CTTNBP2NL: variants seen among roughly 807,000 people sequenced by gnomAD.
CTTNBP2NL encodes the protein CTTNBP2 N-terminal-like protein.
CTTNBP2NL carries 16 observed loss-of-function variants against 32.5 expected under a neutral mutation model. The ratio of observed to expected loss-of-function variants is 0.49; its 90% CI spans 0.33 to 0.75. The LOEUF (loss-of-function observed/expected upper bound fraction) is 0.75. Ranked by LOEUF, CTTNBP2NL falls within the 30% of genes least tolerant of loss-of-function variation. CTTNBP2NL has a pLI of 0.02. For synonymous variants in CTTNBP2NL, 298 were observed against 289.4 expected (o/e 1.03, Z -0.30); for missense variants, 645 against 756.0 (o/e 0.85, Z 1.72).
intron 1 of CTTNBP2NL, among the ~76,000 whole-genome samples, chr1:112,408,062 G>T (rs1396802252): frequency 6.6e-6 from 1 of 151,612 alleles, no homozygotes; most frequent in Non-Finnish European, 1.5e-5. Flanking sequence ...GTCCAGGCTG[G>T]TCTCAAACTT....
chr1:112,445,137 T>C (rs1175636), intron 3 of CTTNBP2NL, among the ~76,000 whole-genome samples: 141,626 of 152,260 alleles, frequency 0.93, 66,640 homozygotes, highest in East Asian at 1. Flanking sequence ...AGTGGGTCCA[T>C]CAGTCCCAGT....
At chr1:112,443,832 T>C (rs934974193) in intron 3 of CTTNBP2NL, among the ~76,000 whole-genome samples, 2 of 152,236 alleles carry the variant, frequency 1.3e-5, no homozygotes, top group Non-Finnish European at 2.9e-5. Flanking sequence ...GGTTTTCTTA[T>C]TGTTGTCATC....
At chr1:112,438,656 T>TC (rs1368292803) in intron 3 of CTTNBP2NL, among the ~76,000 whole-genome samples, 2 of 152,196 alleles carry the variant, frequency 1.3e-5, no homozygotes, top group Non-Finnish European at 2.9e-5. Flanking sequence ...GGGGAATGCT[T>TC]CCAGCTTTTG....
chr1:112,397,943 G>A (rs1472363742), intron 1 of CTTNBP2NL, among the ~76,000 whole-genome samples: 1 of 152,088 alleles, frequency 6.6e-6, no homozygotes, highest in African/African-American at 2.4e-5. Context: ...AGAGCCACTC[G>A]GTGCTCACAG....
intron 3 of CTTNBP2NL, among the ~76,000 whole-genome samples, chr1:112,428,564 C>G (rs769937277): frequency 1.8e-4 from 27 of 152,108 alleles, no homozygotes; most frequent in Non-Finnish European, 3.1e-4. Flanking sequence ...AAAAAGAAGA[C>G]TTGAATAAAG....
In CTTNBP2NL at chr1:112,454,496, G is replaced by A. The variant is rs780328201; in HGVS notation, c.378G>A (p.Thr126=). Residue 126 remains threonine (T), a synonymous_variant, in exon 5 of 6, where the codon ACG becomes ACA. Transcript: ENST00000271277. The stretch of plus-strand genomic sequence containing the variant: ...AAAGGCAGCGGCATGCACAGGATAC[G>A]GCTGAAGGAGATGATGTCACCTACA... ...EEERQRHAQD[T]AEGDDVTYML... is the part of the protein sequence containing the mutation. 79 of 1,613,964 alleles carry A rather than the reference G, an allele frequency of 4.9e-5. No homozygotes were observed. Among genetic ancestry groups the A allele is most frequent in the Non-Finnish European group, 6.4e-5 (75 of 1,179,966 alleles).
chr1:112,457,709 T>A lies in CTTNBP2NL; in HGVS notation c.*297T>A. 3.6e-6 allele frequency: 1 copy of A among 278,172 alleles called. No homozygotes were observed. The highest frequency in any genetic ancestry group is 6.8e-6 in the Non-Finnish European group (1 of 147,900). 17.2% of individuals were successfully genotyped at this position (278,172 alleles called of 1,614,324 possible). A position where few individuals can be genotyped will look rare whatever the true frequency, so the allele number is the denominator to read the frequency against. On this transcript the variant is annotated 3_prime_UTR_variant, in exon 6 of 6. Transcript: ENST00000271277. ...TCACCAGGTGGTGATTTGCTATCTA[T>A]TTGAGAACTAGAATCACTCAACACT...
At chr1:112,428,749 C>T (rs1053449996) in intron 3 of CTTNBP2NL, among the ~76,000 whole-genome samples, 1 of 152,026 alleles carries the variant, frequency 6.6e-6, no homozygotes, top group Admixed American at 6.6e-5. Flanking sequence ...TTATACTATA[C>T]CATACTGTAC....
chr1:112,426,520 C>T (rs914320615), intron 3 of CTTNBP2NL, among the ~76,000 whole-genome samples: 2 of 150,386 alleles, frequency 1.3e-5, no homozygotes, highest in African/African-American at 4.9e-5. Flanking sequence ...AGCAAGACCC[C>T]ATCTCTAAAA....
chr1:112,447,337 C>T (rs1381105011), intron 3 of CTTNBP2NL, among the ~76,000 whole-genome samples: 1 of 150,932 alleles, frequency 6.6e-6, no homozygotes, highest in Non-Finnish European at 1.5e-5. Context: ...ATACCTCCCC[C>T]ACTTTTAATT....
intron 3 of CTTNBP2NL, among the ~76,000 whole-genome samples, chr1:112,421,321 T>C (rs1649224708): frequency 6.7e-6 from 1 of 148,210 alleles, no homozygotes; most frequent in African/African-American, 2.5e-5. Flanking sequence ...TTTTTTTTTT[T>C]TTTTTTTGAG....
chr1:112,400,828 G>A (rs2999473), intron 1 of CTTNBP2NL, among the ~76,000 whole-genome samples: 19,522 of 151,732 alleles, frequency 0.13, 4,115 homozygotes, highest in African/African-American at 0.44. Flanking sequence ...AACCAGGCAT[G>A]GTGGCACGTG....
At chr1:112,405,061 C>A (rs933457840) in intron 1 of CTTNBP2NL, among the ~76,000 whole-genome samples, 15 of 151,872 alleles carry the variant, frequency 9.9e-5, no homozygotes, top group African/African-American at 3.6e-4. Context: ...GAGCAAAACT[C>A]CATCTCAAAA....
intron 1 of CTTNBP2NL, among the ~76,000 whole-genome samples, chr1:112,407,150 A>C (rs1648690410): frequency 6.6e-6 from 1 of 152,204 alleles, no homozygotes; most frequent in African/African-American, 2.4e-5. Context: ...AGGCAAAATA[A>C]GGCATTCTGA....
At chr1:112,436,477 GTTC>G (rs1649733744) in intron 3 of CTTNBP2NL, among the ~76,000 whole-genome samples, 1 of 152,062 alleles carries the variant, frequency 6.6e-6, no homozygotes, top group Non-Finnish European at 1.5e-5. Context: ...GATCACTCCT[GTTC>G]TTCTTATCCA....
intron 1 of CTTNBP2NL, among the ~76,000 whole-genome samples, chr1:112,397,190 T>C (rs1383289590): frequency 1.3e-5 from 2 of 152,214 alleles, no homozygotes; most frequent in African/African-American, 4.8e-5. Flanking sequence ...AACACCATGT[T>C]TTCAAATGAA....
intron 3 of CTTNBP2NL, among the ~76,000 whole-genome samples, chr1:112,434,285 C>T (rs1649662974): frequency 6.6e-6 from 1 of 152,156 alleles, no homozygotes; most frequent in African/African-American, 2.4e-5. Flanking sequence ...TCCCGTATCA[C>T]AGTCTCAGCA....
chr1:112,418,988 T>C (rs562684801), intron 3 of CTTNBP2NL, among the ~76,000 whole-genome samples: 13 of 152,212 alleles, frequency 8.5e-5, no homozygotes, highest in Non-Finnish European at 1.8e-4. Flanking sequence ...CTTGCATTTA[T>C]TGGTATTGCT....
intron 3 of CTTNBP2NL, among the ~76,000 whole-genome samples, chr1:112,448,007 C>T (rs1235600817): frequency 6.6e-6 from 1 of 152,182 alleles, no homozygotes; most frequent in East Asian, 1.9e-4. Flanking sequence ...GTTCTTCAAG[C>T]TCTTCCTACA....
Sources: gnomAD v4.1 joint callset for allele counts (sites outside exome capture counted in the v4.1 genomes callset) on GRCh38, gnomAD v4.1.1 for gene constraint, MANE v1.5 for transcripts, NCBI Gene and HGNC (gene_info 2026-07-23, HGNC 2026-07-21) for gene names.